The following HNF1A variants were observed in gnomAD, a reference collection of about 807,000 sequenced individuals.
HNF1A encodes the protein HNF1 homeobox A, also known as hepatocyte nuclear factor 1-alpha.
A neutral mutation model predicts 62.2 loss-of-function variants in HNF1A; 21 were observed. That is an observed-to-expected ratio of 0.34 (90% CI 0.24 to 0.49). The LOEUF (loss-of-function observed/expected upper bound fraction) is 0.49. Among genes scored for constraint, HNF1A ranks in the 20% least tolerant of loss-of-function variants. HNF1A has a pLI of 0.99. For missense variants in HNF1A, 687 were observed against 832.3 expected (o/e 0.83, Z 2.15); for synonymous variants, 374 against 366.8 (o/e 1.02, Z -0.22).
At chr12:120,986,018 A>G (rs192403352) in intron 1 of HNF1A, among the ~76,000 whole-genome samples, 5 of 152,074 alleles carry the variant, frequency 3.3e-5, no homozygotes, top group Non-Finnish European at 7.4e-5. Flanking sequence ...AATATCATGT[A>G]TGCATATATA....
At chr12:120,979,615 T>G (rs1876145295) in intron 1 of HNF1A, 1 of 158,136 alleles carries the variant, frequency 6.3e-6, no homozygotes, top group Non-Finnish European at 1.4e-5. Context: ...CTTTCTTACC[T>G]GAGGCAGACA....
intron 1 of HNF1A, among the ~76,000 whole-genome samples, chr12:120,987,681 A>G (rs1174065291): frequency 6.6e-6 from 1 of 151,808 alleles, no homozygotes. Flanking sequence ...TTCCTTGTCC[A>G]AGGTCACAGG....
intron 1 of HNF1A, among the ~76,000 whole-genome samples, chr12:120,984,901 G>A (rs1442248213): frequency 1.3e-5 from 2 of 151,488 alleles, no homozygotes; most frequent in East Asian, 3.9e-4. Flanking sequence ...CCTCAGCACG[G>A]TGCCTGGCTC....
chr12:120,985,758 A>G (rs908045619), intron 1 of HNF1A, among the ~76,000 whole-genome samples: 1 of 151,476 alleles, frequency 6.6e-6, no homozygotes, highest in Non-Finnish European at 1.5e-5. Context: ...GCCAAGGCAG[A>G]TGGATCACCT....
chr12:120,987,750 A>C (rs1876588837), intron 1 of HNF1A, among the ~76,000 whole-genome samples: 1 of 145,134 alleles, frequency 6.9e-6, no homozygotes, highest in Non-Finnish European at 1.5e-5. Context: ...TTAGGGCAAA[A>C]AGTCACAAAG....
rs1877175078 is a variant in HNF1A at position 120,997,560 on chromosome 12, C to T, written c.1396C>T (p.Gln466Ter). 1.2e-6 allele frequency: 2 copies of T among 1,613,650 alleles called. No individual in the cohort carries two copies. Among genetic ancestry groups the T allele is most frequent in the Non-Finnish European group, 1.7e-6 (2 of 1,180,008 alleles). ...CACCCTGCAGCCCGTCCAGTTCTCCCAGCCGCTGCACCCCTCCTACCAGCA... is the reference window on the plus strand; with the variant it reads ...CACCCTGCAGCCCGTCCAGTTCTCCTAGCCGCTGCACCCCTCCTACCAGCA... Reference protein sequence around the residue: ...LTTLQPVQFSQPLHPSYQQPL... With the variant: ...LTTLQPVQFS The change falls in exon 7 of 10, where the codon CAG becomes TAG. Residue 466 changes from glutamine to a stop codon, truncating the protein, a stop_gained. Coordinates refer to ENST00000257555, the MANE Select transcript of HNF1A (RefSeq NM_000545.8). LOFTEE classifies it high-confidence loss of function.
intron 9 of HNF1A, among the ~76,000 whole-genome samples, chr12:121,000,127 C>G (rs1311077067): frequency 6.6e-6 from 1 of 152,220 alleles, no homozygotes; most frequent in Admixed American, 6.5e-5. Flanking sequence ...GCTCCAATGA[C>G]CCCTGGCGGT....
chr12:120,989,363 T>A (rs1876697921), intron 2 of HNF1A, among the ~76,000 whole-genome samples: 1 of 152,178 alleles, frequency 6.6e-6, no homozygotes, highest in Admixed American at 6.5e-5. Flanking sequence ...GTTCAAGCAA[T>A]TCTCCTGCCT....
At position 120,978,715 on chromosome 12, in the gene HNF1A, G is replaced by A; in HGVS notation, c.-54G>A. The A allele has an allele frequency of 6.4e-7, 1 of 1,555,278 alleles. No individual in the cohort carries two copies. The highest frequency in any genetic ancestry group is 8.9e-7 in the Non-Finnish European group (1 of 1,129,114). On this transcript the variant is annotated 5_prime_UTR_variant, in exon 1 of 10. Coordinates refer to ENST00000257555, the MANE Select transcript of HNF1A (RefSeq NM_000545.8). ...CAGGCAAACGCAACCCACGCGGTGG[G>A]GGAGGCGGCTAGCGTGGTGGACCCG...
chr12:120,997,391 G>A lies in HNF1A; in HGVS notation c.1310-83G>A, dbSNP rs1386906611. 9 of 1,444,812 alleles carry A rather than the reference G, an allele frequency of 6.2e-6. No individual in the cohort carries two copies. The East Asian group carries it at 1.9e-4, about 31-fold the overall frequency. 89.5% of individuals were successfully genotyped at this position (1,444,812 alleles called of 1,614,324 possible). On this transcript the variant is annotated intron_variant, in intron 6 of 9. Transcript: ENST00000257555. ...CCTCCAAACCACGGGCTCTGGGAAG[G>A]AGAGGTGGTGCCCTTGGGAGGTCTT... is the stretch of plus-strand genomic sequence containing the variant.
intron 9 of HNF1A, chr12:121,000,864 A>C: frequency 1.5e-6 from 1 of 659,214 alleles, no homozygotes; most frequent in Non-Finnish European, 2.7e-6. Context: ...TACTCAGGCC[A>C]CTCCATGGGC....
chr12:120,980,458 C>T (rs1306441430), intron 1 of HNF1A, among the ~76,000 whole-genome samples: 2 of 151,978 alleles, frequency 1.3e-5, no homozygotes, highest in African/African-American at 4.8e-5. Flanking sequence ...GCAGTCAGGG[C>T]CCCCTGACTT....
In HNF1A at chr12:120,993,629, G is replaced by A. The variant is rs748866435; in HGVS notation, c.636G>A (p.Gln212=). 6 of 1,614,190 alleles carry A rather than the reference G, an allele frequency of 3.7e-6. No homozygotes were observed. Among genetic ancestry groups the A allele is most frequent in the Non-Finnish European group, 5.1e-6 (6 of 1,180,036 alleles). ...TCAAGTGGGGCCCAGCATCCCAGCAGATCCTGTTCCAGGCCTATGAGAGGC... is the reference window on the plus strand; with the variant it reads ...TCAAGTGGGGCCCAGCATCCCAGCAAATCCTGTTCCAGGCCTATGAGAGGC... ...NRFKWGPASQ[Q]ILFQAYERQK... The change falls in exon 3 of 10, where the codon CAG becomes CAA. Residue 212 remains glutamine (Q), a synonymous_variant. Transcript: ENST00000257555.
chr12:120,999,371 C>T lies in HNF1A; in HGVS notation c.1605C>T (p.Ser535=), dbSNP rs758034834. The change falls in exon 8 of 10, where the codon AGC becomes AGT. Residue 535 remains serine, a synonymous_variant. Transcript: ENST00000257555. ...TDTTNLSALA[S]LTPTKQVFTS... ...CCACCAACCTGAGCGCCCTGGCCAGCCTCACGCCCACCAAGCAGGTAAGGT... is the reference window on the plus strand; with the variant it reads ...CCACCAACCTGAGCGCCCTGGCCAGTCTCACGCCCACCAAGCAGGTAAGGT... 2.5e-6 allele frequency: 4 copies of T among 1,613,938 alleles called. No homozygotes were observed. In the African/African-American group the frequency reaches 4.0e-5, roughly 16 times the overall value.
At position 120,999,288 on chromosome 12, in the gene HNF1A, G is replaced by A. The variant is rs483353044; in HGVS notation, c.1522G>A (p.Glu508Lys). Residue 508 changes from glutamate (E) to lysine (K), a missense_variant, in exon 8 of 10, where the codon GAG becomes AAG. By Grantham distance (56) the Glu-to-Lys change is moderately conservative. This residue lies in a region of HNF1A where 408 missense variants were observed against 455.3 expected (regional missense o/e 0.90). Coordinates refer to ENST00000257555, the MANE Select transcript of HNF1A (RefSeq NM_000545.8). ...GCCAGCCCTCTACAGCCACAAGCCC[G>A]AGGTGGCCCAGTACACCCACACGGG... ...SPHALYSHKP[E>K]VAQYTHTGLL... is the part of the protein sequence containing the mutation. 9.7e-5 allele frequency: 157 copies of A among 1,613,854 alleles called. 1 individual carries two copies. In the Admixed American group the frequency reaches 2.2e-3, roughly 23 times the overall value.
chr12:121,001,136 A>G lies in HNF1A; in HGVS notation c.1840A>G (p.Asn614Asp). The G allele has an allele frequency of 6.2e-7, 1 of 1,614,070 alleles. No homozygotes were observed. Among genetic ancestry groups the G allele is most frequent in the Non-Finnish European group, 8.5e-7 (1 of 1,180,002 alleles). ...TGGCCAGAGCCACCTGCTGCCATCC[A>G]ACCACAGCGTCATCGAGACCTTCAT... ...SNGQSHLLPS[N>D]HSVIETFIST... Residue 614 changes from asparagine (N) to aspartate (D), a missense_variant, in exon 10 of 10, where the codon AAC (asparagine) becomes GAC (aspartate). Asn to Asp is a conservative substitution (Grantham distance 23). Transcript: ENST00000257555.
At chr12:120,986,892 C>A (rs1876537728) in intron 1 of HNF1A, among the ~76,000 whole-genome samples, 1 of 152,054 alleles carries the variant, frequency 6.6e-6, no homozygotes, top group Non-Finnish European at 1.5e-5. Flanking sequence ...CCCAGCCTAT[C>A]TGTGACATAT....
intron 7 of HNF1A, chr12:120,998,391 G>A (rs544870989): frequency 1.3e-5 from 2 of 155,672 alleles, no homozygotes; most frequent in Admixed American, 6.2e-5. Context: ...TGCTATTTCT[G>A]CAGCCAAAGA....
At chr12:120,995,305 C>A (rs1877045623) in intron 4 of HNF1A, among the ~76,000 whole-genome samples, 1 of 151,192 alleles carries the variant, frequency 6.6e-6, no homozygotes, top group African/African-American at 2.4e-5. Context: ...ATCTACTCCA[C>A]TCCCTCTACT....
Sources: allele counts gnomAD v4.1 joint callset (sites outside exome capture counted in the v4.1 genomes callset), GRCh38; gene constraint gnomAD v4.1.1; regional missense constraint gnomAD v4.1.1; transcripts MANE v1.5; gene names NCBI Gene and HGNC (gene_info 2026-07-23, HGNC 2026-07-21).